Variants in PTOV1 observed in about 807,000 individuals in gnomAD.
PTOV1 encodes prostate tumor-overexpressed gene 1 protein.
Under a neutral mutation model 58.0 loss-of-function variants are expected in PTOV1, and 20 were observed. The ratio of observed to expected loss-of-function variants is 0.34; its 90% confidence interval spans 0.24 to 0.50. The LOEUF (loss-of-function observed/expected upper bound fraction) is 0.50, where lower values mean the gene tolerates loss of function less well. Ranked by LOEUF, PTOV1 falls within the 20% of genes least tolerant of loss-of-function variation. The pLI is 0.98. For synonymous variants in PTOV1, 335 were observed against 234.2 expected, an observed-to-expected ratio of 1.43 and a Z score of -3.93; for missense variants, 593 against 565.4, an observed-to-expected ratio of 1.05 and a Z score of -0.50.
chr19:49,857,827 C>T (rs369639358), intron 7 of PTOV1, 45 bp downstream of exon 7: 28 of 1,612,354 alleles, frequency 1.7e-5, no homozygotes, highest in African/African-American at 5.3e-5. Context: ...CAGATCCTCA[C>T]GGACTGTGGC....
intron 1 of PTOV1, among the ~76,000 whole-genome samples, chr19:49,853,507 A>AG (rs1403200500): frequency 6.6e-6 from 1 of 151,930 alleles, no homozygotes; most frequent in East Asian, 1.9e-4. Context: ...AAAAAAAAAA[A>AG]AAAAAAAATT....
rs1018269796 is a variant in PTOV1, at chr19:49,858,377, C to T, written c.937-172C>T. On this transcript the variant is annotated intron_variant, in intron 9 of 11. Coordinates refer to ENST00000391842, the Ensembl canonical transcript of PTOV1. ...GGGCTGCCAAGGGATCTGAGAGCGG[C>T]TTCCACAGCACTCCAGGGTTGGGCT... is the stretch of plus-strand genomic sequence containing the variant. 3 of 684,778 alleles carry T rather than the reference C, an allele frequency of 4.4e-6. No homozygotes were observed. In the African/African-American group the frequency reaches 5.4e-5, roughly 12 times the overall value. The allele number at this position is 684,778 out of a possible 1,614,324, so 42.4% of individuals were successfully genotyped here.
At chr19:49,852,226 GCTT>G (rs1009566726) in intron 1 of PTOV1, 1 of 309,762 alleles carries the variant, frequency 3.2e-6, no homozygotes, top group African/African-American at 2.3e-5. Context: ...GCTCGGGTCC[GCTT>G]CTTAAATACA....
At position 49,855,247 on chromosome 19, in the gene PTOV1, G is replaced by A. The variant is rs578024676; in HGVS notation, c.558+170G>A. ...TGACTGACTCCAGGCACCCTCCGTA[G>A]AGCACAGGGTGAAGGAACTCAGCCT... On this transcript the variant is annotated intron_variant, in intron 5 of 11. Transcript: ENST00000391842. The A allele has an allele frequency of 2.3e-4, 148 of 644,838 alleles. 2 individuals are homozygous for A. The African/African-American group carries it at 2.4e-3, about 10-fold the overall frequency. 39.9% of individuals were successfully genotyped at this position (644,838 alleles called of 1,614,324 possible).
chr19:49,851,891 G>A lies in PTOV1; in HGVS notation c.171+392G>A, dbSNP rs185474737. Reference sequence around the variant, plus strand: ...GCGGTTTTGGGGGACAGCGGCGAGGGAGGGGCCCGCGCTTTGTACCAGCGC... The same window carrying A: ...GCGGTTTTGGGGGACAGCGGCGAGGAAGGGGCCCGCGCTTTGTACCAGCGC... On this transcript the variant is annotated intron_variant, in intron 1 of 11. Coordinates refer to ENST00000391842, the Ensembl canonical transcript of PTOV1. The A allele has an allele frequency of 9.3e-3, 9,214 of 985,862 alleles. 47 individuals carry two copies. Among genetic ancestry groups the A allele is most frequent in the Middle Eastern group, 0.014 (26 of 1,924 alleles). The allele number at this position is 985,862 out of a possible 1,614,324, so 61.1% of individuals were successfully genotyped here.
chr19:49,858,440 G>T, intron 9 of PTOV1, 109 bp from the exon 10 acceptor site: 1 of 847,528 alleles, frequency 1.2e-6, no homozygotes, highest in South Asian at 1.6e-5. Flanking sequence ...GAGGTAGGGA[G>T]GACAGGGGAG....
In PTOV1 at chr19:49,855,913, G is replaced by T. The variant is rs181385889; in HGVS notation, c.558+836G>T. On this transcript the variant is annotated intron_variant, in intron 5 of 11. Coordinates refer to ENST00000391842, the Ensembl canonical transcript of PTOV1. ...AGGGCAGGTCAGAAAGGGGGCTTGG[G>T]CTGTGAAAGATGGCAGGTGCTGGAG... is the stretch of plus-strand genomic sequence containing the variant. Among the ~76,000 whole-genome samples, 39 of 152,250 alleles carry T rather than the reference G, an allele frequency of 2.6e-4. No homozygotes were observed. In the East Asian group the frequency reaches 5.4e-3, roughly 21 times the overall value.
intron 10 of PTOV1, 185 bp downstream of exon 10, chr19:49,858,838 C>T: frequency 1.7e-6 from 1 of 573,528 alleles, no homozygotes; most frequent in Admixed American, 2.9e-5. Flanking sequence ...GGATGGGGCA[C>T]TGACCCTGGT....
At chr19:49,860,315 G>C (rs761989466) in exon 12 of PTOV1, 1 of 1,509,136 alleles carries the variant, frequency 6.6e-7, no homozygotes, top group South Asian at 1.1e-5. Context: ...AGGAGTCACA[G>C]ATGAGGCCCC....
chr19:49,860,333 A>T (rs1480943456), exon 12 of PTOV1: 18 of 1,376,696 alleles, frequency 1.3e-5, no homozygotes, highest in Non-Finnish European at 1.6e-5. Flanking sequence ...CCCCGCAGAG[A>T]CTGGTGAGTG....
intron 6 of PTOV1, 62 bp from the exon 7 acceptor site, chr19:49,857,631 G>C: frequency 1.1e-5 from 16 of 1,490,706 alleles, no homozygotes; most frequent in Middle Eastern, 4.0e-4. Flanking sequence ...CAGGCCCCAG[G>C]ACAGACAGAC....
rs567417177 is a variant in PTOV1 at position 49,858,976 on chromosome 19, G to C, written c.1041+323G>C. 17 of 247,310 alleles carry C rather than the reference G, an allele frequency of 6.9e-5. No homozygotes were observed. In the East Asian group the frequency reaches 1.2e-3, roughly 18 times the overall value. 15.3% of individuals were successfully genotyped at this position (247,310 alleles called of 1,614,324 possible). On this transcript the variant is annotated intron_variant, in intron 10 of 11. Transcript: ENST00000391842. ...CCGGGAGCTTGTGCCACATCCCAAAGGCCCATTGCTGGGCAGGGAGGGCTG... is the reference window on the plus strand; with the variant it reads ...CCGGGAGCTTGTGCCACATCCCAAACGCCCATTGCTGGGCAGGGAGGGCTG...
intron 1 of PTOV1, among the ~76,000 whole-genome samples, chr19:49,854,180 C>A (rs558421865): frequency 6.6e-6 from 1 of 152,302 alleles, no homozygotes; most frequent in Admixed American, 6.5e-5. Flanking sequence ...AAGGTGACAG[C>A]AGGCTCTGGG....
At chr19:49,851,776 C>A in intron 1 of PTOV1, 1 of 1,060,078 alleles carries the variant, frequency 9.4e-7, no homozygotes, top group Non-Finnish European at 1.1e-6. Context: ...TAAACGCGGG[C>A]TGGGGGCGGC....
At position 49,860,476 on chromosome 19, in the gene PTOV1, C is replaced by T. The variant is rs763748829; in HGVS notation, c.*197C>T. ...AGCAGTCCCAGCGGTCCTAGGCTGT[C>T]GGGAAACTGCAGCCCAGCCTCAGGG... is the stretch of plus-strand genomic sequence containing the variant. On this transcript the variant is annotated 3_prime_UTR_variant, in exon 12 of 12. Transcript: ENST00000391842. 95 of 815,718 alleles carry T rather than the reference C, an allele frequency of 1.2e-4. 1 individual carries two copies. Among genetic ancestry groups the T allele is most frequent in the South Asian group, 3.1e-4 (17 of 54,326 alleles). 50.5% of individuals were successfully genotyped at this position (815,718 alleles called of 1,614,324 possible).
At chr19:49,859,782 G>C (rs2074666146) in intron 10 of PTOV1, 1 of 608,882 alleles carries the variant, frequency 1.6e-6, no homozygotes, top group Non-Finnish European at 2.9e-6. Flanking sequence ...CTTCCCGACA[G>C]AGCCTGTTGG....
At chr19:49,852,186 G>C in intron 1 of PTOV1, 1 of 642,690 alleles carries the variant, frequency 1.6e-6, no homozygotes, top group Non-Finnish European at 1.9e-6. Context: ...GCACACGCTT[G>C]CCCCGATGTG....
In PTOV1 at chr19:49,858,531, C is replaced by T. The variant is rs1435190655; in HGVS notation, c.937-18C>T. 9 of 1,567,240 alleles carry T rather than the reference C, an allele frequency of 5.7e-6. No individual in the cohort carries two copies. Among genetic ancestry groups the T allele is most frequent in the African/African-American group, 1.4e-5 (1 of 73,752 alleles). On this transcript the variant is annotated intron_variant, in intron 9 of 11. Coordinates refer to ENST00000391842, the Ensembl canonical transcript of PTOV1. Reference sequence around the variant, plus strand: ...GGTGGGAGAAGCCAGAGCTGGGGGTCCCCTCGCTTCCCCGCAGACCACCCT... The same window carrying T: ...GGTGGGAGAAGCCAGAGCTGGGGGTTCCCTCGCTTCCCCGCAGACCACCCT...
chr19:49,851,008 C>T (rs1057412839), upstream of PTOV1: 2 of 1,532,748 alleles, frequency 1.3e-6, no homozygotes, highest in East Asian at 4.9e-5. Context: ...CGCGCGTCTT[C>T]CCAGGACTCC....
Sources: allele counts gnomAD v4.1 joint callset (sites outside exome capture counted in the v4.1 genomes callset), GRCh38; gene constraint gnomAD v4.1.1; transcripts MANE v1.5; gene names NCBI Gene and HGNC (gene_info 2026-07-23, HGNC 2026-07-21).